SH3RF3: variants seen among roughly 807,000 people sequenced by gnomAD.
SH3RF3 encodes E3 ubiquitin-protein ligase SH3RF3.
SH3RF3 carries 29 observed loss-of-function variants against 66.3 expected under a neutral mutation model. The observed-to-expected ratio is 0.44, with a 90% CI of 0.33 to 0.60. The LOEUF (loss-of-function observed/expected upper bound fraction) is 0.60. SH3RF3 is among the 20% of genes least tolerant of loss of function. SH3RF3 has a pLI of 0.04. For missense variants in SH3RF3, 1,194 were observed against 1,190.9 expected (o/e 1.00, Z -0.04); for synonymous variants, 583 against 532.0 (o/e 1.10, Z -1.32).
chr2:109,341,584 G>C (rs1467757795), intron 1 of SH3RF3, among the ~76,000 whole-genome samples: 5 of 152,158 alleles, frequency 3.3e-5, no homozygotes, highest in Non-Finnish European at 5.9e-5. Flanking sequence ...AAAATGTGTT[G>C]GCTCAGATAA....
intron 4 of SH3RF3, among the ~76,000 whole-genome samples, chr2:109,411,488 C>T (rs1676588339): frequency 6.6e-6 from 1 of 152,220 alleles, no homozygotes; most frequent in Non-Finnish European, 1.5e-5. Context: ...CCCCTCCCAC[C>T]TTGGCCACCA....
intron 7 of SH3RF3, among the ~76,000 whole-genome samples, chr2:109,438,204 G>A (rs114953550): frequency 1.3e-5 from 2 of 152,200 alleles, no homozygotes; most frequent in Admixed American, 6.5e-5. Context: ...ATGGGACAAG[G>A]GGTGGGAGGT....
rs115001619 is a variant in SH3RF3 at position 109,272,811 on chromosome 2, G to A, written c.574-74863G>A. On this transcript the variant is annotated intron_variant, in intron 1 of 9. Coordinates refer to ENST00000309415, the MANE Select transcript of SH3RF3 (RefSeq NM_001099289.3). ...AACAGCCCCCGGTACTGCCGCACACGCAGGACGTCAGGCTTGGTGTGTGTG... is the reference window on the plus strand; with the variant it reads ...AACAGCCCCCGGTACTGCCGCACACACAGGACGTCAGGCTTGGTGTGTGTG... Among the ~76,000 whole-genome samples the A allele has an allele frequency of 8.0e-3, 1,221 of 152,284 alleles. 22 individuals are homozygous for A. Among genetic ancestry groups the A allele is most frequent in the African/African-American group, 0.028 (1,163 of 41,536 alleles).
intron 1 of SH3RF3, among the ~76,000 whole-genome samples, chr2:109,307,674 T>G (rs1482883286): frequency 6.9e-6 from 1 of 145,984 alleles, no homozygotes; most frequent in Admixed American, 6.8e-5. Flanking sequence ...ATATGTGGTG[T>G]TTGGTTTTTT....
chr2:109,389,723 T>TCGG (rs1675929082), intron 3 of SH3RF3, among the ~76,000 whole-genome samples: 1 of 152,234 alleles, frequency 6.6e-6, no homozygotes, highest in Non-Finnish European at 1.5e-5. Flanking sequence ...AATATATTAT[T>TCGG]TGGTCCACTA....
At chr2:109,264,416 C>T (rs964121924) in intron 1 of SH3RF3, among the ~76,000 whole-genome samples, 4 of 152,192 alleles carry the variant, frequency 2.6e-5, no homozygotes, top group African/African-American at 9.7e-5. Flanking sequence ...GCCCCCCATC[C>T]ACCTCCCCAC....
intron 1 of SH3RF3, among the ~76,000 whole-genome samples, chr2:109,221,537 GCGCCAGTGCA>G (rs1679241059): frequency 6.7e-6 from 1 of 148,628 alleles, no homozygotes; most frequent in Non-Finnish European, 1.5e-5. Flanking sequence ...AGCCGCGATC[GCGCCAGTGCA>G]CTCCAGCCTG....
intron 1 of SH3RF3, among the ~76,000 whole-genome samples, chr2:109,155,263 T>C (rs983960390): frequency 6.6e-5 from 10 of 152,230 alleles, no homozygotes; most frequent in Admixed American, 6.5e-4. Context: ...GGAATAATTT[T>C]CCCATTTTAA....
chr2:109,405,280 G>T (rs1288486524), intron 4 of SH3RF3, among the ~76,000 whole-genome samples: 1 of 152,086 alleles, frequency 6.6e-6, no homozygotes, highest in Admixed American at 6.5e-5. Flanking sequence ...TATTCCATCT[G>T]TTCCTCAAGG....
chr2:109,318,722 C>G (rs1422317437), intron 1 of SH3RF3, among the ~76,000 whole-genome samples: 1 of 152,144 alleles, frequency 6.6e-6, no homozygotes, highest in Non-Finnish European at 1.5e-5. Context: ...GCTGCCCTGG[C>G]CAGCCGCCAG....
At chr2:109,473,309 A>G (rs1388293232) in intron 8 of SH3RF3, among the ~76,000 whole-genome samples, 2 of 152,200 alleles carry the variant, frequency 1.3e-5, no homozygotes, top group African/African-American at 2.4e-5. Flanking sequence ...CCTCTTGGCC[A>G]TGGGCAGCTG....
intron 1 of SH3RF3, among the ~76,000 whole-genome samples, chr2:109,279,819 A>G (rs534418355): frequency 9.9e-5 from 15 of 152,224 alleles, no homozygotes; most frequent in African/African-American, 3.6e-4. Flanking sequence ...GGGAGGATCT[A>G]TCAGGAGTGT....
intron 1 of SH3RF3, among the ~76,000 whole-genome samples, chr2:109,319,932 G>A (rs899422081): frequency 6.6e-6 from 1 of 152,232 alleles, no homozygotes; most frequent in Non-Finnish European, 1.5e-5. Context: ...CCTTGCAGGG[G>A]CAAGGTGAAC....
chr2:109,200,767 A>G (rs1678650980), intron 1 of SH3RF3, among the ~76,000 whole-genome samples: 1 of 152,154 alleles, frequency 6.6e-6, no homozygotes, highest in Non-Finnish European at 1.5e-5. Flanking sequence ...CTCCATGACC[A>G]GGTCCTTTAG....
intron 5 of SH3RF3, among the ~76,000 whole-genome samples, chr2:109,429,961 C>T (rs1677147610): frequency 6.6e-6 from 1 of 152,208 alleles, no homozygotes; most frequent in Non-Finnish European, 1.5e-5. Flanking sequence ...GGAACAAGGC[C>T]TCCACAGAGC....
At chr2:109,396,515 G>A (rs28369434) in intron 3 of SH3RF3, among the ~76,000 whole-genome samples, 10,588 of 152,286 alleles carry the variant, frequency 0.07, 1,191 homozygotes, top group African/African-American at 0.24. Flanking sequence ...CTGTGATGGG[G>A]CCACCCTTTA....
At chr2:109,433,406 C>G (rs1677304266) in intron 6 of SH3RF3, among the ~76,000 whole-genome samples, 1 of 152,186 alleles carries the variant, frequency 6.6e-6, no homozygotes, top group Non-Finnish European at 1.5e-5. Flanking sequence ...TTTAGAGTCA[C>G]TGAAGAGACA....
intron 3 of SH3RF3, among the ~76,000 whole-genome samples, chr2:109,373,944 C>T (rs942236295): frequency 2.6e-5 from 4 of 151,884 alleles, no homozygotes; most frequent in African/African-American, 9.7e-5. Context: ...CCCAGTCCAG[C>T]AGGCTCTCTG....
chr2:109,350,675 C>T (rs960163888), intron 2 of SH3RF3, among the ~76,000 whole-genome samples: 4 of 152,172 alleles, frequency 2.6e-5, no homozygotes, highest in Non-Finnish European at 4.4e-5. Context: ...ACGGTGGGTC[C>T]GACCCACCTT....
Sources: allele counts gnomAD v4.1 joint callset (sites outside exome capture counted in the v4.1 genomes callset), GRCh38; gene constraint gnomAD v4.1.1; transcripts MANE v1.5; gene names NCBI Gene and HGNC (gene_info 2026-07-23, HGNC 2026-07-21).